Variants in CDH12 observed in about 807,000 individuals in gnomAD.
CDH12 encodes cadherin-12.
CDH12 carries 41 observed loss-of-function variants against 74.1 expected under a neutral mutation model. The observed-to-expected ratio is 0.55, with a 90% CI of 0.43 to 0.72. CDH12 has a LOEUF of 0.72. Ranked by LOEUF, CDH12 falls within the 30% of genes least tolerant of loss-of-function variation. The probability of loss-of-function intolerance (pLI) is 0.00; values close to 1 mark genes in which losing one functional copy is unlikely to be tolerated. For missense variants in CDH12, 945 were observed against 977.2 expected, an observed-to-expected ratio of 0.97 and a Z score of 0.44; for synonymous variants, 399 against 355.0, an observed-to-expected ratio of 1.12 and a Z score of -1.39.
chr5:21,848,153 A>G (rs1405455142), intron 7 of CDH12, among the ~76,000 whole-genome samples: 1 of 152,086 alleles, frequency 6.6e-6, no homozygotes, highest in East Asian at 1.9e-4. Flanking sequence ...AATTTTGAAG[A>G]AGGTGGGGTT....
At chr5:21,964,417 C>T (rs1293823021) in intron 6 of CDH12, among the ~76,000 whole-genome samples, 1 of 151,980 alleles carries the variant, frequency 6.6e-6, no homozygotes, top group East Asian at 1.9e-4. Flanking sequence ...CTTTTGTACT[C>T]CAGGGCTTAT....
At chr5:22,157,725 A>G (rs1304054917) in intron 4 of CDH12, among the ~76,000 whole-genome samples, 1 of 152,000 alleles carries the variant, frequency 6.6e-6, no homozygotes, top group Non-Finnish European at 1.5e-5. Flanking sequence ...TCAGTTAAAA[A>G]CAAATAAAAA....
chr5:22,418,461 G>A (rs1743494088), intron 2 of CDH12, among the ~76,000 whole-genome samples: 1 of 152,090 alleles, frequency 6.6e-6, no homozygotes, highest in Non-Finnish European at 1.5e-5. Flanking sequence ...TGATTGCCCT[G>A]GCCAGAACTT....
chr5:22,193,307 G>C (rs1750412840), intron 4 of CDH12, among the ~76,000 whole-genome samples: 1 of 152,170 alleles, frequency 6.6e-6, no homozygotes, highest in South Asian at 2.1e-4. Flanking sequence ...CTAACCAAGA[G>C]CATAAGGAAA....
intron 1 of CDH12, among the ~76,000 whole-genome samples, chr5:22,719,976 A>G (rs1321109933): frequency 1.3e-5 from 2 of 151,966 alleles, no homozygotes; most frequent in South Asian, 2.1e-4. Flanking sequence ...GGGCCATGCA[A>G]TATGTGTTTG....
At chr5:22,264,006 A>T (rs930134340) in intron 3 of CDH12, among the ~76,000 whole-genome samples, 6 of 151,970 alleles carry the variant, frequency 3.9e-5, no homozygotes, top group African/African-American at 1.4e-4. Context: ...ACCATTAGAA[A>T]AAAATGGCTA....
chr5:21,775,233 C>T (rs139416589), intron 11 of CDH12, among the ~76,000 whole-genome samples: 1 of 152,284 alleles, frequency 6.6e-6, no homozygotes, highest in Non-Finnish European at 1.5e-5. Flanking sequence ...ACAAAGAATC[C>T]ACACCTCTTT....
chr5:22,608,979 G>A (rs1737258814), intron 1 of CDH12, among the ~76,000 whole-genome samples: 1 of 152,152 alleles, frequency 6.6e-6, no homozygotes, highest in African/African-American at 2.4e-5. Context: ...CAGGGAACAA[G>A]GGAACCTGGA....
At chr5:22,594,427 TC>T (rs1736497571) in intron 1 of CDH12, among the ~76,000 whole-genome samples, 1 of 152,120 alleles carries the variant, frequency 6.6e-6, no homozygotes, top group African/African-American at 2.4e-5. Flanking sequence ...CTCATCTCCA[TC>T]CAGGTGGGAA....
intron 1 of CDH12, among the ~76,000 whole-genome samples, chr5:22,850,332 G>T (rs79531777): frequency 2.4e-4 from 37 of 152,124 alleles, no homozygotes; most frequent in South Asian, 1.2e-3. Context: ...TCAGGAAAAA[G>T]CTGCAACTGT....
chr5:22,341,019 T>C (rs1054071934), intron 3 of CDH12, among the ~76,000 whole-genome samples: 2 of 152,244 alleles, frequency 1.3e-5, no homozygotes, highest in African/African-American at 2.4e-5. Context: ...GCATGTCATC[T>C]GGTTTACAGA....
At chr5:22,017,701 G>A (rs1023259813) in intron 5 of CDH12, among the ~76,000 whole-genome samples, 3 of 151,904 alleles carry the variant, frequency 2.0e-5, no homozygotes, top group Non-Finnish European at 4.4e-5. Flanking sequence ...TTGACAGTAA[G>A]TCGATGCAGA....
intron 2 of CDH12, among the ~76,000 whole-genome samples, chr5:22,477,859 T>C (rs1431390476): frequency 6.6e-6 from 1 of 152,196 alleles, no homozygotes; most frequent in Non-Finnish European, 1.5e-5. Flanking sequence ...AAGTGTAACA[T>C]CTTATGTCAC....
intron 13 of CDH12, among the ~76,000 whole-genome samples, chr5:21,756,346 A>G (rs1247740934): frequency 6.6e-6 from 1 of 152,088 alleles, no homozygotes. Flanking sequence ...ATGTATGGGA[A>G]TACTTTCACC....
chr5:22,188,486 C>T (rs1216389592), intron 4 of CDH12, among the ~76,000 whole-genome samples: 4 of 152,118 alleles, frequency 2.6e-5, no homozygotes, highest in South Asian at 4.1e-4. Context: ...AGGCAGGATG[C>T]TTAGTGCTGA....
At chr5:21,883,299 T>A (rs778470644) in intron 6 of CDH12, 174 of 1,478,332 alleles carry the variant, frequency 1.2e-4, no homozygotes, top group Non-Finnish European at 1.6e-4. Context: ...AGGTCAGAAA[T>A]GTGAATTCCA....
intron 10 of CDH12, among the ~76,000 whole-genome samples, chr5:21,789,509 G>C (rs939029409): frequency 1.3e-5 from 2 of 152,020 alleles, no homozygotes; most frequent in African/African-American, 2.4e-5. Flanking sequence ...CTGTAAATGA[G>C]CGTCTTTTAT....
chr5:22,776,171 A>G (rs1747090808), intron 1 of CDH12, among the ~76,000 whole-genome samples: 1 of 152,128 alleles, frequency 6.6e-6, no homozygotes, highest in South Asian at 2.1e-4. Context: ...ACATGGAGTG[A>G]GGATATTTAT....
chr5:21,856,327 A>G (rs1301017686), intron 6 of CDH12, among the ~76,000 whole-genome samples: 1 of 151,746 alleles, frequency 6.6e-6, no homozygotes, highest in African/African-American at 2.4e-5. Context: ...GATGTTTTCT[A>G]TCCCTCCACT....
Sources: allele counts gnomAD v4.1 joint callset (sites outside exome capture counted in the v4.1 genomes callset), GRCh38; gene constraint gnomAD v4.1.1; transcripts MANE v1.5; gene names NCBI Gene and HGNC (gene_info 2026-07-23, HGNC 2026-07-21).